Variants in LIPG observed in about 807,000 individuals in gnomAD.
LIPG encodes the protein endothelial lipase.
LIPG carries 34 observed loss-of-function variants against 51.8 expected under a neutral mutation model. The observed-to-expected ratio is 0.66, with a 90% CI of 0.50 to 0.87. The LOEUF (loss-of-function observed/expected upper bound fraction) is 0.87, where lower values mean the gene tolerates loss of function less well. Ranked by LOEUF, LIPG falls within the 40% of genes least tolerant of loss-of-function variation. The pLI, the probability that LIPG is intolerant of heterozygous loss-of-function variation, is 0.00. For synonymous variants in LIPG, 246 were observed against 246.1 expected (o/e 1.00, Z 0.00); for missense variants, 580 against 652.7 (o/e 0.89, Z 1.21).
rs1239824520 is a variant in LIPG at position 49,591,750 on chromosome 18, A to T, written c.*1228A>T. 1 of 152,210 alleles carries T rather than the reference A, an allele frequency of 6.6e-6. No homozygotes were observed. Among genetic ancestry groups the T allele is most frequent in the East Asian group, 1.9e-4 (1 of 5,194 alleles). The allele number at this position is 152,210 out of a possible 1,614,324, so 9.4% of individuals were successfully genotyped here. A position where few individuals can be genotyped will look rare whatever the true frequency, so the allele number is the denominator to read the frequency against. On this transcript the variant is annotated 3_prime_UTR_variant, in exon 10 of 10. Transcript: ENST00000261292. The stretch of plus-strand genomic sequence containing the variant: ...CTTACACTTTTCAAAAGATTTGTGT[A>T]TGCATTGCCTAATTAGAGTAGGGGG...
chr18:49,590,441 G>A (rs1394070872), intron 9 of LIPG, 60 bp from the exon 10 acceptor site: 3 of 1,561,750 alleles, frequency 1.9e-6, no homozygotes, highest in South Asian at 2.3e-5. Flanking sequence ...CCTGAATACA[G>A]GTTTGCGCGT....
rs28405356 is a variant in LIPG, at chr18:49,596,551, C to A, written c.*6029C>A. ...TTGGGAGGCTGAGGTAGGAAAATCA[C>A]TTGAACCCAGAAGGCAGAAGTTGCA... On this transcript the variant is annotated 3_prime_UTR_variant, in exon 10 of 10. Transcript: ENST00000261292. 26,347 of 146,772 alleles carry A rather than the reference C, an allele frequency of 0.18. 3,003 individuals carry two copies. The highest frequency in any genetic ancestry group is 0.31 in the African/African-American group (12,397 of 39,906). The allele number at this position is 146,772 out of a possible 1,614,324, so 9.1% of individuals were successfully genotyped here.
At chr18:49,579,743 T>TCCTTTCCTTTCCTTTCCTTTCCTTTC (rs1555778414) in intron 5 of LIPG, among the ~76,000 whole-genome samples, 1 of 131,078 alleles carries the variant, frequency 7.6e-6, no homozygotes, top group African/African-American at 3.5e-5. Context: ...TGATGGCCTT[T>TCCTTTCCTTTCCTTTCCTTTCCTTTC]CTTTCCTTTC....
At chr18:49,590,403 G>T (rs1438772926) in intron 9 of LIPG, 98 bp from the exon 10 acceptor site, 1 of 1,302,898 alleles carries the variant, frequency 7.7e-7, no homozygotes. Flanking sequence ...GTGTCAGAAA[G>T]CTTGGCCTTA....
At chr18:49,567,159 A>T (rs1057500322) in intron 2 of LIPG, among the ~76,000 whole-genome samples, 10 of 152,136 alleles carry the variant, frequency 6.6e-5, no homozygotes, top group Non-Finnish European at 1.3e-4. Context: ...CAACATAGTG[A>T]GACCCTGTTG....
rs1600577317 is a variant in LIPG at position 49,598,395 on chromosome 18, A to G, written c.*7873A>G. On this transcript the variant is annotated 3_prime_UTR_variant, in exon 10 of 10. Transcript: ENST00000261292. ...TTTTTTGTAGAGATGGGGTTTTGCCATGTTGCTCAGGTTGGTCTCAAACTC... is the reference window on the plus strand; with the variant it reads ...TTTTTTGTAGAGATGGGGTTTTGCCGTGTTGCTCAGGTTGGTCTCAAACTC... The G allele has an allele frequency of 6.5e-6, 1 of 152,732 alleles. No homozygotes were observed. Among genetic ancestry groups the G allele is most frequent in the African/African-American group, 2.4e-5 (1 of 41,532 alleles). 9.5% of individuals were successfully genotyped at this position (152,732 alleles called of 1,614,324 possible). A position where few individuals can be genotyped will look rare whatever the true frequency, so the allele number is the denominator to read the frequency against.
At chr18:49,582,292 A>C in intron 6 of LIPG, 70 bp from the exon 7 acceptor site, 1 of 1,604,118 alleles carries the variant, frequency 6.2e-7, no homozygotes, top group Non-Finnish European at 8.5e-7. Flanking sequence ...CTGGTGACTC[A>C]GTTTGGGTCA....
chr18:49,584,058 G>C (rs1335262375), intron 8 of LIPG, among the ~76,000 whole-genome samples: 1 of 152,200 alleles, frequency 6.6e-6, no homozygotes, highest in Non-Finnish European at 1.5e-5. Context: ...TCAGCCTGGA[G>C]GAGGGGGACT....
At chr18:49,572,091 G>A (rs920417763) in intron 4 of LIPG, among the ~76,000 whole-genome samples, 1 of 152,154 alleles carries the variant, frequency 6.6e-6, no homozygotes, top group Non-Finnish European at 1.5e-5. Flanking sequence ...AGGCCGAGGT[G>A]GGTGGATCAC....
At chr18:49,579,365 G>A (rs2148853058) in intron 5 of LIPG, among the ~76,000 whole-genome samples, 1 of 151,414 alleles carries the variant, frequency 6.6e-6, no homozygotes, top group Non-Finnish European at 1.5e-5. Context: ...ATGTTTCCCA[G>A]GTTGGAAACA....
At position 49,590,586 on chromosome 18, in the gene LIPG, A is replaced by G. The variant is rs2084932142; in HGVS notation, c.*64A>G. On this transcript the variant is annotated 3_prime_UTR_variant, in exon 10 of 10. Coordinates refer to ENST00000261292, the MANE Select transcript of LIPG (RefSeq NM_006033.4). ...TTCCTGCTATCCAAGCCCATGGAGG[A>G]AAGTTACTGCTGAGGACCCACCCAA... 1.3e-6 allele frequency: 2 copies of G among 1,521,510 alleles called. No homozygotes were observed. The highest frequency in any genetic ancestry group is 2.4e-5 in the East Asian group (1 of 41,824). The allele number at this position is 1,521,510 out of a possible 1,614,324, so 94.3% of individuals were successfully genotyped here.
At chr18:49,584,302 A>G (rs77221746) in intron 8 of LIPG, among the ~76,000 whole-genome samples, 1,531 of 152,264 alleles carry the variant, frequency 0.01, 27 homozygotes, top group African/African-American at 0.035. Context: ...TGTGGTCCTA[A>G]CTGCAAGTAA....
intron 8 of LIPG, among the ~76,000 whole-genome samples, chr18:49,585,942 G>T (rs11873576): frequency 0.022 from 3,350 of 152,202 alleles, 102 homozygotes; most frequent in African/African-American, 0.07. Context: ...AAACATATAG[G>T]TCCTAAGGTC....
intron 8 of LIPG, among the ~76,000 whole-genome samples, chr18:49,586,019 G>C (rs2084876278): frequency 6.6e-6 from 1 of 152,192 alleles, no homozygotes; most frequent in Non-Finnish European, 1.5e-5. Context: ...CTCAGCTCCA[G>C]GGTCAGGTGC....
rs150069115 is a variant in LIPG at position 49,573,024 on chromosome 18, G to T, written c.572-2345G>T. 1.1e-4 allele frequency among the ~76,000 whole-genome samples: 16 copies of T among 152,308 alleles called. No individual in the cohort carries two copies. The South Asian group carries it at 2.3e-3, about 22-fold the overall frequency. On this transcript the variant is annotated intron_variant, in intron 4 of 9. Coordinates refer to ENST00000261292, the MANE Select transcript of LIPG (RefSeq NM_006033.4). ...CAGATATGTGTCAGGGACAGTCAGA[G>T]CAGGGCAGGCAGGCTCTGGCTGGGT...
rs137939952 is a variant in LIPG, at chr18:49,562,512, C to T, written c.97+107C>T. On this transcript the variant is annotated intron_variant, in intron 1 of 9. Coordinates refer to ENST00000261292, the MANE Select transcript of LIPG (RefSeq NM_006033.4). Reference sequence around the variant, plus strand: ...TTGTTCCTATGAAATTCTTCCTTTCCCACTGCGCTGCCCATTCTCTCCTCC... The same window carrying T: ...TTGTTCCTATGAAATTCTTCCTTTCTCACTGCGCTGCCCATTCTCTCCTCC... 1.4e-4 allele frequency: 139 copies of T among 1,010,874 alleles called. 1 individual carries two copies. In the East Asian group the frequency reaches 3.3e-3, roughly 24 times the overall value. The allele number at this position is 1,010,874 out of a possible 1,614,324, so 62.6% of individuals were successfully genotyped here.
chr18:49,576,101 G>C (rs2084713149), intron 5 of LIPG, among the ~76,000 whole-genome samples: 1 of 151,956 alleles, frequency 6.6e-6, no homozygotes, highest in South Asian at 2.1e-4. Context: ...GCCTCCCAAA[G>C]TGCTGAGATT....
chr18:49,587,866 C>T (rs1736560717), intron 9 of LIPG, among the ~76,000 whole-genome samples: 3 of 151,950 alleles, frequency 2.0e-5, no homozygotes, highest in African/African-American at 7.3e-5. Context: ...TGGCTCACTG[C>T]AGCCTCGACC....
chr18:49,590,703 G>A lies in LIPG; in HGVS notation c.*181G>A, dbSNP rs1003118880. 14 of 676,120 alleles carry A rather than the reference G, an allele frequency of 2.1e-5. No homozygotes were observed. In the East Asian group the frequency reaches 3.5e-4, roughly 17 times the overall value. The allele number at this position is 676,120 out of a possible 1,614,324, so 41.9% of individuals were successfully genotyped here. A position where few individuals can be genotyped will look rare whatever the true frequency, so the allele number is the denominator to read the frequency against. On this transcript the variant is annotated 3_prime_UTR_variant, in exon 10 of 10. Coordinates refer to ENST00000261292, the MANE Select transcript of LIPG (RefSeq NM_006033.4). ...ACTCCTCGCGGGAGGGGACTGCGCTGCTATAGCTCTTGCTGCCTCTCTTGA... is the reference window on the plus strand; with the variant it reads ...ACTCCTCGCGGGAGGGGACTGCGCTACTATAGCTCTTGCTGCCTCTCTTGA...
Sources: allele counts gnomAD v4.1 joint callset (sites outside exome capture counted in the v4.1 genomes callset), GRCh38; gene constraint gnomAD v4.1.1; transcripts MANE v1.5; gene names NCBI Gene and HGNC (gene_info 2026-07-23, HGNC 2026-07-21).